OR4D10: variants seen among roughly 807,000 people sequenced by gnomAD.
OR4D10 encodes olfactory receptor family 4 subfamily D member 10, also known as olfactory receptor 4D10.
For missense variants in OR4D10, 395 were observed against 378.0 expected (o/e 1.04, Z -0.37); for synonymous variants, 188 against 153.2 (o/e 1.23, Z -1.68).
chr11:59,474,846 G>A (rs1019205150), intron 2 of OR4D10, among the ~76,000 whole-genome samples: 2 of 151,730 alleles, frequency 1.3e-5, no homozygotes, highest in African/African-American at 4.8e-5. Context: ...CACGAGGTCA[G>A]GAGATCGAGA....
At chr11:59,476,837 C>T (rs1858913364) in intron 2 of OR4D10, among the ~76,000 whole-genome samples, 1 of 151,380 alleles carries the variant, frequency 6.6e-6, no homozygotes, top group Non-Finnish European at 1.5e-5. Flanking sequence ...GAAATTCTTC[C>T]TTTGGGGGAA....
In OR4D10 at chr11:59,477,523, C is replaced by T. The variant is rs1368051066; in HGVS notation, c.94C>T (p.Leu32Phe). Residue 32 changes from leucine (L) to phenylalanine (F), a missense_variant, in exon 3 of 3, where the codon CTC becomes TTC. Transcript: ENST00000530162. ...EVSLVLFLFL[L>F]LVYVTTLLGN... ...GAGCTTAGTCTTATTTCTTTTCCTACTCTTGGTGTATGTGACAACTTTGCT... is the reference window on the plus strand; with the variant it reads ...GAGCTTAGTCTTATTTCTTTTCCTATTCTTGGTGTATGTGACAACTTTGCT... The T allele has an allele frequency of 5.6e-6, 9 of 1,613,940 alleles. No homozygotes were observed. The highest frequency in any genetic ancestry group is 1.3e-5 in the African/African-American group (1 of 74,912).
At chr11:59,477,159 A>C (rs1309106331) in intron 2 of OR4D10, 103 bp from the exon 3 acceptor site, 3 of 324,764 alleles carry the variant, frequency 9.2e-6, no homozygotes, top group Non-Finnish European at 1.7e-5. Context: ...GATTTTTTAA[A>C]ATACACTATG....
chr11:59,476,205 G>A (rs1340304925), intron 2 of OR4D10, among the ~76,000 whole-genome samples: 3 of 152,116 alleles, frequency 2.0e-5, no homozygotes, highest in Non-Finnish European at 4.4e-5. Context: ...GAGATTGCAG[G>A]GACGTCAACG....
chr11:59,475,464 G>A (rs763194408), intron 2 of OR4D10, among the ~76,000 whole-genome samples: 5 of 152,080 alleles, frequency 3.3e-5, no homozygotes, highest in East Asian at 1.9e-4. Context: ...AAGGCTTCCC[G>A]CACTAGTCTC....
chr11:59,477,604 A>G lies in OR4D10; in HGVS notation c.175A>G (p.Met59Val). 1.2e-6 allele frequency: 2 copies of G among 1,614,070 alleles called. No homozygotes were observed. Among genetic ancestry groups the G allele is most frequent in the South Asian group, 1.1e-5 (1 of 91,064 alleles). The change falls in exon 3 of 3, where the codon ATG becomes GTG. Residue 59 changes from methionine to valine, a missense_variant. Transcript: ENST00000530162. ...VTCESRLHTPMYFLLHNLSIA... is the reference protein window; with the variant it reads ...VTCESRLHTPVYFLLHNLSIA... ...CTGTGAATCTCGCCTTCACACGCCC[A>G]TGTATTTTTTGCTCCATAATTTATC...
In OR4D10 at chr11:59,478,429, T is replaced by C. The variant is rs1590625890; in HGVS notation, c.*64T>C. The C allele has an allele frequency of 5.3e-6, 6 of 1,135,448 alleles. No individual in the cohort carries two copies. Among genetic ancestry groups the C allele is most frequent in the Non-Finnish European group, 6.1e-6 (5 of 825,082 alleles). The allele number at this position is 1,135,448 out of a possible 1,614,324, so 70.3% of individuals were successfully genotyped here. On this transcript the variant is annotated 3_prime_UTR_variant, in exon 3 of 3. Coordinates refer to ENST00000530162, the MANE Select transcript of OR4D10 (RefSeq NM_001004705.2). The stretch of plus-strand genomic sequence containing the variant: ...TATATTTATTATTTTTCCCATGAAG[T>C]CATATTCATATATTCAAATATATTG...
intron 2 of OR4D10, among the ~76,000 whole-genome samples, chr11:59,474,445 G>A (rs772332557): frequency 2.0e-5 from 3 of 152,078 alleles, no homozygotes; most frequent in Non-Finnish European, 4.4e-5. Flanking sequence ...TATGTCCACC[G>A]GCTATGTATA....
At chr11:59,474,978 G>C (rs892138514) in intron 2 of OR4D10, among the ~76,000 whole-genome samples, 3 of 144,556 alleles carry the variant, frequency 2.1e-5, no homozygotes, top group African/African-American at 7.5e-5. Context: ...GGAGAATGGC[G>C]TGAACCCGGG....
Position 59,477,641 on chromosome 11 carries a change from T to G in OR4D10, c.212T>G (p.Ile71Ser). The G allele has an allele frequency of 6.2e-7, 1 of 1,614,142 alleles. No individual in the cohort carries two copies. Among genetic ancestry groups the G allele is most frequent in the Middle Eastern group, 1.6e-4 (1 of 6,062 alleles). Residue 71 changes from isoleucine (I) to serine (S), a missense_variant, in exon 3 of 3, where the codon ATC becomes AGC. Coordinates refer to ENST00000530162, the MANE Select transcript of OR4D10 (RefSeq NM_001004705.2). ...FLLHNLSIAD[I>S]CFSSITVPKV... Reference sequence around the variant, plus strand: ...CTCCATAATTTATCTATTGCCGATATCTGCTTCTCTTCCATCACAGTGCCC... The same window carrying G: ...CTCCATAATTTATCTATTGCCGATAGCTGCTTCTCTTCCATCACAGTGCCC...
chr11:59,474,969 G>A (rs1240014162), intron 2 of OR4D10, among the ~76,000 whole-genome samples: 1 of 151,006 alleles, frequency 6.6e-6, no homozygotes, highest in African/African-American at 2.4e-5. Context: ...GCTGAGGCAG[G>A]AGAATGGCGT....
chr11:59,478,402 CT>C lies in OR4D10; in HGVS notation c.*39del. ...CTCAGCTCTTCATCACCAAAGATAT[CT>C]TATATTTATTATTTTTCCCATGAAG... On this transcript the variant is annotated 3_prime_UTR_variant, in exon 3 of 3. Transcript: ENST00000530162. 1 of 1,357,192 alleles carries C rather than the reference CT, an allele frequency of 7.4e-7. No homozygotes were observed. The allele number at this position is 1,357,192 out of a possible 1,614,324, so 84.1% of individuals were successfully genotyped here. A position where few individuals can be genotyped will look rare whatever the true frequency, so the allele number is the denominator to read the frequency against.
At chr11:59,476,328 A>T (rs961387581) in intron 2 of OR4D10, among the ~76,000 whole-genome samples, 2 of 152,152 alleles carry the variant, frequency 1.3e-5, no homozygotes, top group Non-Finnish European at 2.9e-5. Flanking sequence ...CCTTTCAACA[A>T]AGCCTGAAAT....
At position 59,477,608 on chromosome 11, in the gene OR4D10, A is replaced by G. The variant is rs758354478; in HGVS notation, c.179A>G (p.Tyr60Cys). The change falls in exon 3 of 3, where the codon TAT becomes TGT. Residue 60 changes from tyrosine (Y) to cysteine (C), a missense_variant. Physicochemically the swap from Tyr to Cys is radical, Grantham distance 194. Coordinates refer to ENST00000530162, the MANE Select transcript of OR4D10 (RefSeq NM_001004705.2). ...GAATCTCGCCTTCACACGCCCATGT[A>G]TTTTTTGCTCCATAATTTATCTATT... Reference protein sequence around the residue: ...TCESRLHTPMYFLLHNLSIAD... With the variant: ...TCESRLHTPMCFLLHNLSIAD... The G allele has an allele frequency of 1.9e-6, 3 of 1,613,864 alleles. No homozygotes were observed. Among genetic ancestry groups the G allele is most frequent in the Non-Finnish European group, 2.5e-6 (3 of 1,179,946 alleles).
rs2134556781 is a variant in OR4D10, at chr11:59,473,519, A to C, written c.-346A>C. On this transcript the variant is annotated 5_prime_UTR_variant, in exon 1 of 3. Coordinates refer to ENST00000530162, the MANE Select transcript of OR4D10 (RefSeq NM_001004705.2). ...GCAGAGCAAAGACACTGCGATATTT[A>C]GCATAGCAAAGGGCTTAACTTTTAA... 1 of 152,358 alleles carries C rather than the reference A, an allele frequency of 6.6e-6. No homozygotes were observed. Among genetic ancestry groups the C allele is most frequent in the South Asian group, 2.1e-4 (1 of 4,828 alleles). 9.4% of individuals were successfully genotyped at this position (152,358 alleles called of 1,614,324 possible).
rs997147530 is a variant in OR4D10, at chr11:59,479,055, G to A, written c.*690G>A. On this transcript the variant is annotated 3_prime_UTR_variant, in exon 3 of 3. Transcript: ENST00000530162. Reference sequence around the variant, plus strand: ...CAAGGTCATTACCTTGCCCTTTCTTGAACCCCAAGCTCACTGGCCACCCTA... The same window carrying A: ...CAAGGTCATTACCTTGCCCTTTCTTAAACCCCAAGCTCACTGGCCACCCTA... The A allele has an allele frequency of 6.6e-6, 1 of 152,112 alleles. No individual in the cohort carries two copies. The highest frequency in any genetic ancestry group is 2.1e-4 in the South Asian group (1 of 4,822). The allele number at this position is 152,112 out of a possible 1,614,324, so 9.4% of individuals were successfully genotyped here.
At position 59,479,357 on chromosome 11, in the gene OR4D10, C is replaced by A. The variant is rs1365742357; in HGVS notation, c.*992C>A. On this transcript the variant is annotated 3_prime_UTR_variant, in exon 3 of 3. Transcript: ENST00000530162. ...CAAAAACACATTAAGCTACTTTAAG[C>A]TATGCATATACATATATAAAGCTTG... is the stretch of plus-strand genomic sequence containing the variant. 2 of 152,144 alleles carry A rather than the reference C, an allele frequency of 1.3e-5. No homozygotes were observed. The highest frequency in any genetic ancestry group is 1.3e-4 in the Admixed American group (2 of 15,270). The allele number at this position is 152,144 out of a possible 1,614,324, so 9.4% of individuals were successfully genotyped here. A position where few individuals can be genotyped will look rare whatever the true frequency, so the allele number is the denominator to read the frequency against.
chr11:59,477,424 G>T lies in OR4D10; in HGVS notation c.-6G>T. ...TAAAACCAAAGAGAATAAAGAGGATGATTGAATGGAGATGGAAAACTGCAC... is the reference window on the plus strand; with the variant it reads ...TAAAACCAAAGAGAATAAAGAGGATTATTGAATGGAGATGGAAAACTGCAC... On this transcript the variant is annotated 5_prime_UTR_variant, in exon 3 of 3. It removes an upstream start codon present in the reference 5' UTR. Coordinates refer to ENST00000530162, the MANE Select transcript of OR4D10 (RefSeq NM_001004705.2). 1 of 1,542,006 alleles carries T rather than the reference G, an allele frequency of 6.5e-7. No homozygotes were observed. Among genetic ancestry groups the T allele is most frequent in the Non-Finnish European group, 8.7e-7 (1 of 1,145,432 alleles).
chr11:59,477,135 A>G (rs17153810), intron 2 of OR4D10, 127 bp from the exon 3 acceptor site: 2,913 of 266,252 alleles, frequency 0.011, 73 homozygotes, highest in African/African-American at 0.059. Flanking sequence ...ACATCAAATT[A>G]AATATGGGTA....
Sources: allele counts gnomAD v4.1 joint callset (sites outside exome capture counted in the v4.1 genomes callset), GRCh38; gene constraint gnomAD v4.1.1; transcripts MANE v1.5; gene names NCBI Gene and HGNC (gene_info 2026-07-23, HGNC 2026-07-21).